The following PPP1R16A variants were observed in gnomAD, a reference collection of about 807,000 sequenced individuals.
The protein encoded by PPP1R16A is myosin phosphatase-targeting subunit 3.
In PPP1R16A, 39 loss-of-function variants were observed where a neutral mutation model predicts 46.6. That is an observed-to-expected ratio of 0.84 (90% CI 0.65 to 1.09). PPP1R16A has a LOEUF of 1.09. PPP1R16A is among the 50% of genes least tolerant of loss of function. The pLI is 0.00. For synonymous variants in PPP1R16A, 413 were observed against 321.5 expected, an observed-to-expected ratio of 1.28 and a Z score of -3.04; for missense variants, 798 against 735.6, an observed-to-expected ratio of 1.08 and a Z score of -0.98.
intron 1 of PPP1R16A, chr8:144,478,597 G>A (rs2130090489): frequency 6.5e-6 from 1 of 154,740 alleles, no homozygotes; most frequent in Middle Eastern, 3.2e-3. Context: ...TGAGGAAATC[G>A]AGGCCGCAGA....
At position 144,500,402 on chromosome 8, in the gene PPP1R16A, G is replaced by A; in HGVS notation, c.705+11G>A. 6.6e-7 allele frequency: 1 copy of A among 1,521,008 alleles called. No individual in the cohort carries two copies. The allele number at this position is 1,521,008 out of a possible 1,614,324, so 94.2% of individuals were successfully genotyped here. ...CACGGGGCCACGCTGGTGAGGGCTG[G>A]GGGGTGAGGGGCACACGGGGCTGGG... On this transcript the variant is annotated intron_variant, in intron 7 of 11. Transcript: ENST00000435887.
intron 9 of PPP1R16A, 30 bp downstream of exon 9, chr8:144,500,791 G>A (rs775597747): frequency 6.2e-7 from 1 of 1,607,688 alleles, no homozygotes; most frequent in South Asian, 1.1e-5. Context: ...CTCCACCTGG[G>A]GGAGAGGACA....
At chr8:144,489,303 G>C (rs1334273602) in intron 1 of PPP1R16A, among the ~76,000 whole-genome samples, 6 of 66,818 alleles carry the variant, frequency 9.0e-5, no homozygotes, top group African/African-American at 3.8e-4. Flanking sequence ...TGGTCTGAGG[G>C]GGGTTGGACT....
At chr8:144,485,468 G>A (rs1021877622) in intron 1 of PPP1R16A, among the ~76,000 whole-genome samples, 1 of 150,954 alleles carries the variant, frequency 6.6e-6, no homozygotes, top group African/African-American at 2.4e-5. Flanking sequence ...AGCTTGCAGT[G>A]AGCTGAGATT....
chr8:144,490,323 A>C (rs993748021), intron 2 of PPP1R16A, 111 bp downstream of exon 2: 2 of 152,286 alleles, frequency 1.3e-5, no homozygotes, highest in African/African-American at 4.8e-5. Flanking sequence ...CCTGGCCAAC[A>C]TGGCGAAACC....
rs777200112 is a variant in PPP1R16A at position 144,500,621 on chromosome 8, G to A, written c.831+9G>A. The A allele has an allele frequency of 1.9e-6, 3 of 1,602,148 alleles. No individual in the cohort carries two copies. The highest frequency in any genetic ancestry group is 1.7e-5 in the Admixed American group (1 of 59,868). On this transcript the variant is annotated intron_variant, in intron 8 of 11. Transcript: ENST00000435887. ...CGGCCTACTGGGGCCAGGTGAGTGC[G>A]GGCGGGAGCAGGTGGGAGGGGGCTT... is the stretch of plus-strand genomic sequence containing the variant.
intron 11 of PPP1R16A, 74 bp downstream of exon 11, chr8:144,501,368 C>G: frequency 6.7e-7 from 1 of 1,500,324 alleles, no homozygotes; most frequent in Non-Finnish European, 8.9e-7. Flanking sequence ...TCCGCTTGGA[C>G]CCCCTCCTGC....
At chr8:144,497,864 G>A (rs1370800758) in intron 3 of PPP1R16A, 1 of 368,334 alleles carries the variant, frequency 2.7e-6, no homozygotes, top group Non-Finnish European at 5.4e-6. Context: ...AATAGGGTGG[G>A]ACCAGCCACC....
At chr8:144,478,252 C>A in intron 1 of PPP1R16A, 125 bp downstream of exon 1, 1 of 382,608 alleles carries the variant, frequency 2.6e-6, no homozygotes, top group Non-Finnish European at 4.6e-6. Context: ...GGAGGCCGGG[C>A]CGGGGAAGGA....
intron 1 of PPP1R16A, among the ~76,000 whole-genome samples, chr8:144,484,616 T>A (rs1442515086): frequency 1.3e-5 from 2 of 152,240 alleles, no homozygotes; most frequent in Non-Finnish European, 2.9e-5. Flanking sequence ...CGATTTATTT[T>A]GAAGCCAGGT....
In PPP1R16A at chr8:144,498,923, TTGA is replaced by T. The variant is rs750545213; in HGVS notation, c.343_345del (p.Asp115del). The T allele has an allele frequency of 1.9e-6, 3 of 1,612,938 alleles. No homozygotes were observed. Among genetic ancestry groups the T allele is most frequent in the Non-Finnish European group, 2.5e-6 (3 of 1,179,946 alleles). ...ACGTGGCACGGTTTGCAGTGCTGCA[TTGA>T]TGATTTCCGAGAGATGGTGCAGCAG... On this transcript the variant is annotated inframe_deletion, in exon 5 of 12. Coordinates refer to ENST00000435887, the MANE Select transcript of PPP1R16A (RefSeq NM_001329443.2).
In PPP1R16A at chr8:144,496,986, C is replaced by T; in HGVS notation, c.-209C>T. ...GGTTTGGGGTGCCCTCCCACACTGCCCTCCCTGCCCCGGCCCATGCCCCCC... is the reference window on the plus strand; with the variant it reads ...GGTTTGGGGTGCCCTCCCACACTGCTCTCCCTGCCCCGGCCCATGCCCCCC... On this transcript the variant is annotated 5_prime_UTR_variant, in exon 3 of 12. Transcript: ENST00000435887. 1.5e-6 allele frequency: 1 copy of T among 649,592 alleles called. No individual in the cohort carries two copies. Among genetic ancestry groups the T allele is most frequent in the Non-Finnish European group, 2.6e-6 (1 of 382,364 alleles). 40.2% of individuals were successfully genotyped at this position (649,592 alleles called of 1,614,324 possible). A position where few individuals can be genotyped will look rare whatever the true frequency, so the allele number is the denominator to read the frequency against.
intron 10 of PPP1R16A, 42 bp from the exon 11 acceptor site, chr8:144,501,087 G>A (rs1005531627): frequency 1.3e-6 from 2 of 1,594,272 alleles, no homozygotes; most frequent in African/African-American, 1.3e-5. Flanking sequence ...GGTCCTCCGG[G>A]CACTCCCCTT....
chr8:144,493,192 T>A lies in PPP1R16A; in HGVS notation c.-735+2980T>A, dbSNP rs2130373188. Among the ~76,000 whole-genome samples, 1 of 152,122 alleles carries A rather than the reference T, an allele frequency of 6.6e-6. No homozygotes were observed. Among genetic ancestry groups the A allele is most frequent in the East Asian group, 1.9e-4 (1 of 5,170 alleles). ...TGGGGGTCGGGGACAGTGCCCAGTA[T>A]CCTCCATGGGGCTCCTCCCGCCTGG... On this transcript the variant is annotated intron_variant, in intron 2 of 11. Coordinates refer to ENST00000435887, the MANE Select transcript of PPP1R16A (RefSeq NM_001329443.2). This position sits in a 1 kb window ranked among gnomAD's most constrained non-coding sequence, Gnocchi z 4.3.
chr8:144,500,933 C>T lies in PPP1R16A; in HGVS notation c.999C>T (p.Ser333=), dbSNP rs565790019. Residue 333 remains serine (S), a synonymous_variant, in exon 10 of 12, where the codon TCC becomes TCT. Coordinates refer to ENST00000435887, the MANE Select transcript of PPP1R16A (RefSeq NM_001329443.2). ...TGCGCGCCCAGAGCCGCCAGCGCTC[C>T]TTGCTGCGCCGCCGCACCTCCAGCG... The part of the protein sequence containing the change: ...ALLRAQSRQR[S]LLRRRTSSAG... The T allele has an allele frequency of 2.1e-5, 32 of 1,508,810 alleles. No individual in the cohort carries two copies. The highest frequency in any genetic ancestry group is 1.9e-4 in the Middle Eastern group (1 of 5,318). 93.5% of individuals were successfully genotyped at this position (1,508,810 alleles called of 1,614,324 possible).
At chr8:144,485,212 CAAAAAAAAAAA>C (rs749667274) in intron 1 of PPP1R16A, among the ~76,000 whole-genome samples, 3 of 61,544 alleles carry the variant, frequency 4.9e-5, no homozygotes, top group African/African-American at 2.1e-4. Context: ...AATAGAATCT[CAAAAAAAAAAA>C]AAAAAAAAAA....
At chr8:144,487,340 CAT>C (rs1462684594) in intron 1 of PPP1R16A, among the ~76,000 whole-genome samples, 5 of 152,020 alleles carry the variant, frequency 3.3e-5, no homozygotes, top group South Asian at 2.1e-4. Flanking sequence ...CATGTCTACA[CAT>C]GTGTAGGTTT....
rs552126023 is a variant in PPP1R16A, at chr8:144,486,196, T to G, written c.-913-3838T>G. ...GCCTCACACTGTTGCCAGGTTGGAG[T>G]GCAGTGGTGTGATCTCGCGCCACCA... is the stretch of plus-strand genomic sequence containing the variant. On this transcript the variant is annotated intron_variant, in intron 1 of 11. Coordinates refer to ENST00000435887, the MANE Select transcript of PPP1R16A (RefSeq NM_001329443.2). 2.0e-5 allele frequency among the ~76,000 whole-genome samples: 3 copies of G among 152,230 alleles called. No individual in the cohort carries two copies. The South Asian group carries it at 6.2e-4, about 32-fold the overall frequency.
At position 144,500,865 on chromosome 8, in the gene PPP1R16A, C is replaced by A; in HGVS notation, c.931C>A (p.Arg311=). 1 of 1,568,110 alleles carries A rather than the reference C, an allele frequency of 6.4e-7. No individual in the cohort carries two copies. Among genetic ancestry groups the A allele is most frequent in the Non-Finnish European group, 8.6e-7 (1 of 1,158,590 alleles). The part of the protein sequence containing the change: ...PLDVCGDEEV[R]AKLLELKHKH... The stretch of plus-strand genomic sequence containing the variant: ...AGATGTGTGCGGGGACGAGGAGGTG[C>A]GGGCCAAGCTGCTGGAGCTGAAGCA... The change falls in exon 10 of 12, where the codon CGG becomes AGG. Residue 311 remains arginine (R), a synonymous_variant. Coordinates refer to ENST00000435887, the MANE Select transcript of PPP1R16A (RefSeq NM_001329443.2).
Sources: allele counts gnomAD v4.1 joint callset (sites outside exome capture counted in the v4.1 genomes callset), GRCh38; gene constraint gnomAD v4.1.1; non-coding constraint Gnocchi (gnomAD v3.1); transcripts MANE v1.5; gene names NCBI Gene and HGNC (gene_info 2026-07-23, HGNC 2026-07-21).